RGS22: variants seen among roughly 807,000 people sequenced by gnomAD.
The protein encoded by RGS22 is regulator of G-protein signaling 22.
RGS22 carries 148 observed loss-of-function variants against 172.9 expected under a neutral mutation model. That is an observed-to-expected ratio of 0.86 (90% CI 0.75 to 0.98). RGS22 has a LOEUF of 0.98. RGS22 is among the 50% of genes least tolerant of loss of function. RGS22 has a pLI of 0.00. For missense variants in RGS22, 1,347 were observed against 1,440.8 expected (o/e 0.93, Z 1.05); for synonymous variants, 458 against 480.2 (o/e 0.95, Z 0.60).
chr8:100,042,697 C>T (rs375834755), intron 11 of RGS22: 2 of 152,152 alleles, frequency 1.3e-5, no homozygotes, highest in East Asian at 3.8e-4. Flanking sequence ...CATTCCAATC[C>T]ACCAGCAGAT....
At chr8:100,037,479 A>G (rs1367349690) in intron 14 of RGS22, among the ~76,000 whole-genome samples, 1 of 152,128 alleles carries the variant, frequency 6.6e-6, no homozygotes, top group Non-Finnish European at 1.5e-5. Flanking sequence ...AACCTAGGAG[A>G]AGATAAAAAC....
intron 23 of RGS22, among the ~76,000 whole-genome samples, chr8:99,973,818 G>A (rs1480189942): frequency 1.3e-5 from 2 of 149,510 alleles, no homozygotes; most frequent in Non-Finnish European, 1.5e-5. Flanking sequence ...GCAGTGAGTC[G>A]AGATTGTGCC....
chr8:100,080,104 C>T (rs1563710238), intron 4 of RGS22, 30 bp downstream of exon 4: 1 of 1,437,752 alleles, frequency 7.0e-7, no homozygotes. Flanking sequence ...CTTTATCTAT[C>T]TAACAAGATA....
At chr8:100,012,039 G>C (rs1427741016) in intron 14 of RGS22, among the ~76,000 whole-genome samples, 1 of 151,846 alleles carries the variant, frequency 6.6e-6, no homozygotes, top group Non-Finnish European at 1.5e-5. Context: ...TGCTACAGAA[G>C]CCAAATGAAG....
intron 20 of RGS22, among the ~76,000 whole-genome samples, chr8:99,995,577 G>T (rs2131295936): frequency 6.6e-6 from 1 of 152,320 alleles, no homozygotes; most frequent in South Asian, 2.1e-4. Context: ...TCTCACGCCA[G>T]CTGGAATGGC....
At chr8:100,038,493 T>C (rs1273479545) in intron 14 of RGS22, 1 of 154,012 alleles carries the variant, frequency 6.5e-6, no homozygotes, top group Non-Finnish European at 1.4e-5. Context: ...TTCCTGCTTA[T>C]ACCAAGTCAA....
intron 23 of RGS22, among the ~76,000 whole-genome samples, chr8:99,966,186 A>T (rs918415952): frequency 1.3e-5 from 2 of 152,232 alleles, no homozygotes; most frequent in Non-Finnish European, 2.9e-5. Context: ...GAAAGTCAAA[A>T]ACCACATGTT....
At chr8:100,098,462 C>G (rs535652567) in intron 2 of RGS22, among the ~76,000 whole-genome samples, 1 of 152,218 alleles carries the variant, frequency 6.6e-6, no homozygotes, top group African/African-American at 2.4e-5. Context: ...TAGATCAAGG[C>G]ATTTTTGAAA....
intron 24 of RGS22, 51 bp from the exon 25 acceptor site, chr8:99,963,029 T>A (rs754932659): frequency 6.0e-5 from 85 of 1,423,892 alleles, no homozygotes; most frequent in Admixed American, 8.0e-5. Context: ...CTTTAGGAAA[T>A]AAACTGAAGA....
At chr8:100,105,483 AG>A (rs1813859846) in intron 1 of RGS22, 81 bp from the exon 2 acceptor site, 1 of 1,168,904 alleles carries the variant, frequency 8.6e-7, no homozygotes, top group Non-Finnish European at 1.3e-6. Flanking sequence ...GACAGCACCT[AG>A]CCCTACGTTA....
At chr8:100,038,866 G>T in intron 14 of RGS22, 65 bp downstream of exon 14, 1 of 999,286 alleles carries the variant, frequency 1.0e-6, no homozygotes, top group Non-Finnish European at 1.5e-6. Flanking sequence ...TTTGGGACTG[G>T]ACACAATTTT....
chr8:100,053,119 T>A, intron 9 of RGS22, 143 bp from the exon 10 acceptor site: 1 of 717,706 alleles, frequency 1.4e-6, no homozygotes, highest in Non-Finnish European at 2.3e-6. Context: ...CTTTCTCTAC[T>A]ACATAGCCTT....
intron 2 of RGS22, among the ~76,000 whole-genome samples, chr8:100,094,875 G>A (rs1045746577): frequency 6.6e-6 from 1 of 152,188 alleles, no homozygotes; most frequent in African/African-American, 2.4e-5. Context: ...GCTACAATAA[G>A]GGTGGCCAAA....
chr8:99,987,384 T>A, intron 21 of RGS22, 74 bp downstream of exon 21: 1 of 1,155,008 alleles, frequency 8.7e-7, no homozygotes, highest in Non-Finnish European at 1.2e-6. Context: ...GTGCATAAAG[T>A]TAGTTAAAAA....
At chr8:100,040,894 T>G (rs1016944479) in intron 12 of RGS22, among the ~76,000 whole-genome samples, 10 of 152,170 alleles carry the variant, frequency 6.6e-5, no homozygotes, top group African/African-American at 2.2e-4. Flanking sequence ...ATCTGCCTGC[T>G]AAACAAATTC....
intron 24 of RGS22, among the ~76,000 whole-genome samples, chr8:99,963,370 T>C (rs937297222): frequency 5.3e-5 from 8 of 152,180 alleles, no homozygotes; most frequent in Admixed American, 5.2e-4. Flanking sequence ...TACAGATATA[T>C]TGACAGCTAT....
chr8:100,029,702 C>CA (rs369058108), intron 14 of RGS22, among the ~76,000 whole-genome samples: 18,770 of 61,632 alleles, frequency 0.3, 2,231 homozygotes, highest in African/African-American at 0.34. Flanking sequence ...AACTCCGTCT[C>CA]AAAAAAAAAA....
intron 23 of RGS22, among the ~76,000 whole-genome samples, chr8:99,969,742 A>G (rs1811134589): frequency 6.6e-6 from 1 of 152,224 alleles, no homozygotes; most frequent in African/African-American, 2.4e-5. Context: ...GCAAGTTCTT[A>G]GAGACCTACA....
intron 23 of RGS22, among the ~76,000 whole-genome samples, chr8:99,973,764 G>A (rs1414750783): frequency 6.6e-6 from 1 of 151,718 alleles, no homozygotes; most frequent in African/African-American, 2.4e-5. Context: ...AGCTACTTGG[G>A]AGGCTGCGGC....
Sources: gnomAD v4.1 joint callset for allele counts (sites outside exome capture counted in the v4.1 genomes callset) on GRCh38, gnomAD v4.1.1 for gene constraint, MANE v1.5 for transcripts, NCBI Gene and HGNC (gene_info 2026-07-23, HGNC 2026-07-21) for gene names.